CUEDC1: variants seen among roughly 807,000 people sequenced by gnomAD.
CUEDC1 encodes the protein CUE domain-containing protein 1.
In CUEDC1, 30 loss-of-function variants were observed where a neutral mutation model predicts 43.7. The observed-to-expected ratio is 0.69, with a 90% CI of 0.51 to 0.93. The LOEUF is 0.93. Ranked by LOEUF, CUEDC1 falls within the 40% of genes least tolerant of loss-of-function variation. The pLI, the probability that CUEDC1 is intolerant of heterozygous loss-of-function variation, is 0.00. For missense variants in CUEDC1, 486 were observed against 549.0 expected (o/e 0.89, Z 1.15); for synonymous variants, 223 against 223.6 (o/e 1.00, Z 0.02).
intron 1 of CUEDC1, among the ~76,000 whole-genome samples, chr17:57,894,307 C>T (rs1279233088): frequency 6.6e-6 from 1 of 152,190 alleles, no homozygotes; most frequent in Non-Finnish European, 1.5e-5. Flanking sequence ...ATGCCTTGGC[C>T]ACCCCCACCC....
chr17:57,867,552 G>A, intron 8 of CUEDC1, 137 bp from the exon 9 acceptor site: 3 of 735,396 alleles, frequency 4.1e-6, no homozygotes, highest in Non-Finnish European at 7.1e-6. Context: ...CACACCCTTA[G>A]TACTGTCCCC....
chr17:57,903,970 A>C (rs901234024), intron 1 of CUEDC1, among the ~76,000 whole-genome samples: 3 of 151,428 alleles, frequency 2.0e-5, no homozygotes, highest in Non-Finnish European at 2.9e-5. Context: ...GGTTTCCAAC[A>C]GGGATAAAAT....
At chr17:57,908,750 G>T (rs1335493543) in intron 1 of CUEDC1, among the ~76,000 whole-genome samples, 2 of 152,122 alleles carry the variant, frequency 1.3e-5, no homozygotes. Context: ...GTAATCCCAG[G>T]ACTTTGGGAG....
chr17:57,945,586 T>C (rs1486487100), intron 1 of CUEDC1, among the ~76,000 whole-genome samples: 1 of 152,200 alleles, frequency 6.6e-6, no homozygotes, highest in African/African-American at 2.4e-5. Context: ...AGCCCTGGCT[T>C]TACCACTAAG....
chr17:57,913,521 T>G (rs550688100), intron 1 of CUEDC1, among the ~76,000 whole-genome samples: 30 of 152,136 alleles, frequency 2.0e-4, no homozygotes, highest in African/African-American at 6.7e-4. Flanking sequence ...AATCAGAATT[T>G]CCTGAGGTGC....
chr17:57,909,837 G>A lies in CUEDC1; in HGVS notation c.-315-23958C>T, dbSNP rs369654099. Reference sequence around the variant, plus strand: ...TCCAGAGCAATGGGGAGGAGTCAGAGAAAAAGGGCAGCTGAGGCGGGGTAT... The same window carrying A: ...TCCAGAGCAATGGGGAGGAGTCAGAAAAAAAGGGCAGCTGAGGCGGGGTAT... On this transcript the variant is annotated intron_variant, in intron 1 of 10. Transcript: ENST00000577830. 2.6e-5 allele frequency among the ~76,000 whole-genome samples: 4 copies of A among 152,346 alleles called. No homozygotes were observed. In the East Asian group the frequency reaches 7.7e-4, roughly 29 times the overall value.
chr17:57,931,015 G>T (rs1294923208), intron 1 of CUEDC1, among the ~76,000 whole-genome samples: 3 of 152,178 alleles, frequency 2.0e-5, no homozygotes, highest in South Asian at 2.1e-4. Flanking sequence ...CTGGCCGGGT[G>T]TGGTGGCTCC....
chr17:57,932,281 C>CAAAAAAAAAAAAAAAAAAA lies in CUEDC1; in HGVS notation c.-316+22925_-316+22943dup, dbSNP rs56137797. Among the ~76,000 whole-genome samples the CAAAAAAAAAAAAAAAAAAA allele has an allele frequency of 1.3e-3, 159 of 121,856 alleles. 6 individuals carry two copies. The highest frequency in any genetic ancestry group is 2.2e-3 in the African/African-American group (49 of 22,494). 79.9% of individuals were successfully genotyped at this position (121,856 alleles called of 152,430 possible). On this transcript the variant is annotated intron_variant, in intron 1 of 10. Transcript: ENST00000577830. The stretch of plus-strand genomic sequence containing the variant: ...TGGGCAACAAAGTGACACTGTGTCT[C>CAAAAAAAAAAAAAAAAAAA]AAAAAAAAAAAAAAAAAAAAAAGGC...
At chr17:57,944,429 C>T (rs981884681) in intron 1 of CUEDC1, among the ~76,000 whole-genome samples, 3 of 152,076 alleles carry the variant, frequency 2.0e-5, no homozygotes, top group Non-Finnish European at 4.4e-5. Context: ...AGGCTGGTCT[C>T]GAACTCCCGA....
At chr17:57,893,382 A>T (rs2074376507) in intron 1 of CUEDC1, among the ~76,000 whole-genome samples, 1 of 119,814 alleles carries the variant, frequency 8.3e-6, no homozygotes, top group Non-Finnish European at 2.0e-5. Context: ...TGTTTCAGGC[A>T]GCCCTGACAG....
intron 1 of CUEDC1, among the ~76,000 whole-genome samples, chr17:57,921,340 G>A (rs768954790): frequency 2.0e-5 from 3 of 152,052 alleles, no homozygotes; most frequent in Admixed American, 1.3e-4. Flanking sequence ...TGCAACGGCC[G>A]AGTGTTTTCT....
At chr17:57,916,491 G>A (rs2074642695) in intron 1 of CUEDC1, among the ~76,000 whole-genome samples, 1 of 152,244 alleles carries the variant, frequency 6.6e-6, no homozygotes, top group Admixed American at 6.5e-5. Context: ...GGCTGCACCT[G>A]TTTCCATGGA....
chr17:57,900,824 G>A (rs1295976652), intron 1 of CUEDC1, among the ~76,000 whole-genome samples: 1 of 152,140 alleles, frequency 6.6e-6, no homozygotes, highest in Non-Finnish European at 1.5e-5. Context: ...TTGCATCTCT[G>A]CCTGTTCTGC....
intron 1 of CUEDC1, among the ~76,000 whole-genome samples, chr17:57,904,390 T>C (rs2074506269): frequency 1.3e-5 from 2 of 151,860 alleles, no homozygotes; most frequent in African/African-American, 2.4e-5. Flanking sequence ...AAGGCTGAAT[T>C]CTGGAGAAGA....
chr17:57,879,600 C>T lies in CUEDC1; in HGVS notation c.464+11G>A, dbSNP rs528220401. The T allele has an allele frequency of 7.6e-6, 12 of 1,585,342 alleles. No individual in the cohort carries two copies. The South Asian group carries it at 1.4e-4, about 18-fold the overall frequency. On this transcript the variant is annotated intron_variant, in intron 3 of 10. Transcript: ENST00000577830. ...TGCCACCCTGTGCTCTGAGACATGA[C>T]AGATTCTCACCGGGGAGGCGGAGTC...
intron 3 of CUEDC1, among the ~76,000 whole-genome samples, chr17:57,877,140 G>A (rs1030485994): frequency 6.6e-6 from 1 of 152,216 alleles, no homozygotes; most frequent in Non-Finnish European, 1.5e-5. Context: ...CATTTCCTGA[G>A]TTAGGCTCCA....
intron 10 of CUEDC1, among the ~76,000 whole-genome samples, chr17:57,863,633 T>C (rs2073912924): frequency 6.6e-6 from 1 of 152,024 alleles, no homozygotes; most frequent in Admixed American, 6.5e-5. Flanking sequence ...CACAAAGACC[T>C]GTAGGTGGAG....
At chr17:57,881,192 A>G (rs2074199835) in intron 2 of CUEDC1, among the ~76,000 whole-genome samples, 1 of 152,230 alleles carries the variant, frequency 6.6e-6, no homozygotes, top group Non-Finnish European at 1.5e-5. Context: ...ACACACGCGC[A>G]CATGCACACA....
At chr17:57,942,959 C>T (rs974219101) in intron 1 of CUEDC1, among the ~76,000 whole-genome samples, 12 of 152,000 alleles carry the variant, frequency 7.9e-5, no homozygotes, top group Admixed American at 3.9e-4. Flanking sequence ...ACCCAGGAGG[C>T]GGAGCTTGCA....
Sources: allele counts gnomAD v4.1 joint callset (sites outside exome capture counted in the v4.1 genomes callset), GRCh38; gene constraint gnomAD v4.1.1; transcripts MANE v1.5; gene names NCBI Gene and HGNC (gene_info 2026-07-23, HGNC 2026-07-21).